AGAP1: variants seen among roughly 807,000 people sequenced by gnomAD.
AGAP1 encodes ArfGAP with GTPase domain, ankyrin repeat and PH domain 1.
In AGAP1, 29 loss-of-function variants were observed where a neutral mutation model predicts 105.3. That is an observed-to-expected ratio of 0.28 (90% CI 0.21 to 0.38). The LOEUF (loss-of-function observed/expected upper bound fraction) is 0.38, where lower values mean the gene tolerates loss of function less well. Among genes scored for constraint, AGAP1 ranks in the 10% least tolerant of loss-of-function variants. The pLI is 1.00. For missense variants in AGAP1, 998 were observed against 1,165.1 expected, an observed-to-expected ratio of 0.86 and a Z score of 2.09; for synonymous variants, 509 against 485.9, an observed-to-expected ratio of 1.05 and a Z score of -0.63.
rs1958185453 is a variant in AGAP1, at chr2:235,812,246, C to T, written c.1050+4915C>T. 1.3e-5 allele frequency among the ~76,000 whole-genome samples: 2 copies of T among 152,162 alleles called. 1 individual carries two copies. The highest frequency in any genetic ancestry group is 4.1e-4 in the South Asian group (2 of 4,824). On this transcript the variant is annotated intron_variant, in intron 9 of 17. Coordinates refer to ENST00000304032, the MANE Select transcript of AGAP1 (RefSeq NM_001037131.3). Reference sequence around the variant, plus strand: ...CCAGGGAGTCAGCTGTGAGAGCAGTCATTTCCCAGCAGCCATCTGAAGCCG... The same window carrying T: ...CCAGGGAGTCAGCTGTGAGAGCAGTTATTTCCCAGCAGCCATCTGAAGCCG...
chr2:235,621,393 C>T lies in AGAP1; in HGVS notation c.164-87786C>T, dbSNP rs1261317787. Among the ~76,000 whole-genome samples the T allele has an allele frequency of 1.3e-5, 2 of 152,234 alleles. No individual in the cohort carries two copies. The highest frequency in any genetic ancestry group is 4.8e-5 in the African/African-American group (2 of 41,466). ...AAAATGGGTATGTTAACAGTCTCTA[C>T]CTCCCAGAGTGGTTGGGGTTACGTG... On this transcript the variant is annotated intron_variant, in intron 1 of 17. Coordinates refer to ENST00000304032, the MANE Select transcript of AGAP1 (RefSeq NM_001037131.3). The surrounding 1 kb of genome is among the most constrained non-coding windows in gnomAD (Gnocchi z 4.1).
In AGAP1 at chr2:235,725,933, G is replaced by C. The variant is rs1486459873; in HGVS notation, c.310+8289G>C. Among the ~76,000 whole-genome samples, 1 of 152,080 alleles carries C rather than the reference G, an allele frequency of 6.6e-6. No homozygotes were observed. Among genetic ancestry groups the C allele is most frequent in the African/African-American group, 2.4e-5 (1 of 41,410 alleles). On this transcript the variant is annotated intron_variant, in intron 3 of 17. Coordinates refer to ENST00000304032, the MANE Select transcript of AGAP1 (RefSeq NM_001037131.3). This position sits in a 1 kb window ranked among gnomAD's most constrained non-coding sequence, Gnocchi z 5.7. ...AAATAATAAAAGGGAAGCATGTTCT[G>C]TTTCATTTTGAGCAAGAAAAAAAGC...
intron 9 of AGAP1, among the ~76,000 whole-genome samples, chr2:235,876,297 G>A (rs900178898): frequency 2.0e-5 from 3 of 152,252 alleles, no homozygotes; most frequent in African/African-American, 7.2e-5. Flanking sequence ...AAATGATTAC[G>A]TCATGATTTT....
rs2059463108 is a variant in AGAP1, at chr2:236,105,561, T to C, written c.2115-14631T>C. On this transcript the variant is annotated intron_variant, in intron 16 of 17. Transcript: ENST00000304032. This position sits in a 1 kb window ranked among gnomAD's most constrained non-coding sequence, Gnocchi z 4.2. ...GGCATCTCTCGTGTCTTTTTTTTTT[T>C]TTTTTTTTTTTTGAGACACAGTCTC... 6.8e-6 allele frequency among the ~76,000 whole-genome samples: 1 copy of C among 145,996 alleles called. No homozygotes were observed. Among genetic ancestry groups the C allele is most frequent in the Non-Finnish European group, 1.5e-5 (1 of 66,460 alleles).
rs78916519 is a variant in AGAP1, at chr2:236,096,927, G to A, written c.2115-23265G>A. Among the ~76,000 whole-genome samples the A allele has an allele frequency of 7.5e-3, 1,136 of 152,218 alleles. 40 individuals are homozygous for A. The highest frequency in any genetic ancestry group is 0.059 in the Admixed American group (894 of 15,282). On this transcript the variant is annotated intron_variant, in intron 16 of 17. Coordinates refer to ENST00000304032, the MANE Select transcript of AGAP1 (RefSeq NM_001037131.3). This position sits in a 1 kb window ranked among gnomAD's most constrained non-coding sequence, Gnocchi z 4.4. ...AGTTTCATCCTTGCCGTATCACGTG[G>A]CCAATCCATTCATCTGACTTTTTTA...
intron 13 of AGAP1, among the ~76,000 whole-genome samples, chr2:235,995,978 C>A (rs1259620238): frequency 1.3e-5 from 2 of 152,170 alleles, no homozygotes; most frequent in Non-Finnish European, 2.9e-5. Context: ...GCCCTCACAG[C>A]CTCCCTGCAG....
intron 1 of AGAP1, among the ~76,000 whole-genome samples, chr2:235,562,534 G>T (rs879715506): frequency 6.6e-6 from 1 of 151,168 alleles, no homozygotes; most frequent in South Asian, 2.1e-4. Flanking sequence ...CAGCAGTCCG[G>T]CTTCTCTCCT....
In AGAP1 at chr2:235,900,332, T is replaced by C. The variant is rs1351503195; in HGVS notation, c.1156-8406T>C. ...CCTTCTTAGCCTGTTGACTTTGAGG[T>C]AGGAGGAGCCCAAAGTGGCCAGGTG... On this transcript the variant is annotated intron_variant, in intron 10 of 17. Coordinates refer to ENST00000304032, the MANE Select transcript of AGAP1 (RefSeq NM_001037131.3). The surrounding 1 kb of genome is among the most constrained non-coding windows in gnomAD (Gnocchi z 5.5). Among the ~76,000 whole-genome samples, 1 of 152,018 alleles carries C rather than the reference T, an allele frequency of 6.6e-6. No individual in the cohort carries two copies. The highest frequency in any genetic ancestry group is 2.4e-5 in the African/African-American group (1 of 41,380).
chr2:235,908,272 GT>G lies in AGAP1; in HGVS notation c.1156-462del, dbSNP rs2051403541. 6.6e-6 allele frequency among the ~76,000 whole-genome samples: 1 copy of G among 152,120 alleles called. No individual in the cohort carries two copies. The highest frequency in any genetic ancestry group is 1.5e-5 in the Non-Finnish European group (1 of 68,024). On this transcript the variant is annotated intron_variant, in intron 10 of 17. Transcript: ENST00000304032. This position sits in a 1 kb window ranked among gnomAD's most constrained non-coding sequence, Gnocchi z 4.4. ...ACAACAGTTGACCTTTTTACTTCCA[GT>G]TTTCACCTGATTTTTCACCAGAGAG... is the stretch of plus-strand genomic sequence containing the variant.
At chr2:235,804,552 C>T (rs763747260) in intron 8 of AGAP1, among the ~76,000 whole-genome samples, 1 of 152,210 alleles carries the variant, frequency 6.6e-6, no homozygotes, top group Non-Finnish European at 1.5e-5. Flanking sequence ...AAACGGGCTT[C>T]TCTTTGATAC....
intron 1 of AGAP1, among the ~76,000 whole-genome samples, chr2:235,681,172 C>CTAATTTTTTTGTATTTTTTTG (rs1485557892): frequency 8.5e-5 from 13 of 152,144 alleles, no homozygotes; most frequent in African/African-American, 2.9e-4. Flanking sequence ...CCATGCCCAG[C>CTAATTTTTTTGTATTTTTTTG]TAATTTTTTT....
intron 13 of AGAP1, among the ~76,000 whole-genome samples, chr2:235,996,064 G>T (rs768078857): frequency 6.6e-6 from 1 of 152,186 alleles, no homozygotes; most frequent in Non-Finnish European, 1.5e-5. Flanking sequence ...GAGATTAACT[G>T]GAGGCTTGCC....
In AGAP1 at chr2:235,959,443, G is replaced by T. The variant is rs961185465; in HGVS notation, c.1484-9019G>T. Among the ~76,000 whole-genome samples, 1 of 152,142 alleles carries T rather than the reference G, an allele frequency of 6.6e-6. No homozygotes were observed. The highest frequency in any genetic ancestry group is 1.5e-5 in the Non-Finnish European group (1 of 68,034). ...AACAACTCCTTGAAAGCGAGCTCTC[G>T]ACACCTAGAAGCCAGGGGCATTCAT... is the stretch of plus-strand genomic sequence containing the variant. On this transcript the variant is annotated intron_variant, in intron 12 of 17. Transcript: ENST00000304032. This position sits in a 1 kb window ranked among gnomAD's most constrained non-coding sequence, Gnocchi z 7.3.
chr2:235,501,232 A>G (rs1426861223), intron 1 of AGAP1, among the ~76,000 whole-genome samples: 1 of 152,192 alleles, frequency 6.6e-6, no homozygotes, highest in African/African-American at 2.4e-5. Context: ...GACATTGCCA[A>G]GAGAATCTGG....
intron 1 of AGAP1, among the ~76,000 whole-genome samples, chr2:235,548,773 T>A (rs1043122341): frequency 6.6e-6 from 1 of 152,194 alleles, no homozygotes; most frequent in African/African-American, 2.4e-5. Flanking sequence ...CTGAGTTATC[T>A]GCTCATGTGA....
At position 236,076,517 on chromosome 2, in the gene AGAP1, CCTT is replaced by C. The variant is rs34625848; in HGVS notation, c.2114+27239_2114+27241del. Among the ~76,000 whole-genome samples, 4,800 of 152,234 alleles carry C rather than the reference CCTT, an allele frequency of 0.032. 110 individuals carry two copies. The highest frequency in any genetic ancestry group is 0.043 in the Non-Finnish European group (2,933 of 68,006). ...CATGGCCCATAACAAGCTGTCCTGA[CCTT>C]CTCAGTGTGTGACCCAGGACACCGT... On this transcript the variant is annotated intron_variant, in intron 16 of 17. Transcript: ENST00000304032. The surrounding 1 kb of genome is among the most constrained non-coding windows in gnomAD (Gnocchi z 4.4).
At chr2:235,851,608 C>T (rs1258842185) in intron 9 of AGAP1, among the ~76,000 whole-genome samples, 2 of 152,054 alleles carry the variant, frequency 1.3e-5, no homozygotes, top group South Asian at 2.1e-4. Context: ...CCAGGATGCC[C>T]GCGGCAGCAT....
chr2:235,966,727 C>T (rs2054417110), intron 12 of AGAP1, among the ~76,000 whole-genome samples: 1 of 152,054 alleles, frequency 6.6e-6, no homozygotes, highest in Non-Finnish European at 1.5e-5. Flanking sequence ...CTGGGGTGGC[C>T]CTTCACCCTC....
rs953928356 is a variant in AGAP1, at chr2:235,930,773, A to G, written c.1333A>G (p.Thr445Ala). The change falls in exon 12 of 18, where the codon ACT (threonine) becomes GCT (alanine). Residue 445 changes from threonine to alanine, a missense_variant. Thr to Ala is a moderately conservative substitution (Grantham distance 58, BLOSUM62 0). Around this residue, in one of 3 missense-constraint regions of AGAP1, gnomAD observed 735 missense variants for 833.4 expected, o/e 0.88. Coordinates refer to ENST00000304032, the MANE Select transcript of AGAP1 (RefSeq NM_001037131.3). This position sits in a 1 kb window ranked among gnomAD's most constrained non-coding sequence, Gnocchi z 7.9. ...LHISPNSGNVTSASGSQMASG... is the reference protein window; with the variant it reads ...LHISPNSGNVASASGSQMASG... ...GACTTGTTTATTCCTAGGGAATGTC[A>G]CTAGTGCATCTGGGTCTCAGATGGC... 3 of 1,613,378 alleles carry G rather than the reference A, an allele frequency of 1.9e-6. No individual in the cohort carries two copies. The highest frequency in any genetic ancestry group is 1.3e-5 in the African/African-American group (1 of 74,748).
Sources: allele counts gnomAD v4.1 joint callset (sites outside exome capture counted in the v4.1 genomes callset), GRCh38; gene constraint gnomAD v4.1.1; regional missense constraint gnomAD v4.1.1; non-coding constraint Gnocchi (gnomAD v3.1); transcripts MANE v1.5; gene names NCBI Gene and HGNC (gene_info 2026-07-23, HGNC 2026-07-21).